TMEM132D: variants seen among roughly 807,000 people sequenced by gnomAD.
The protein encoded by TMEM132D is transmembrane protein 132D, also known as mature OL transmembrane protein.
Under a neutral mutation model 62.3 loss-of-function variants are expected in TMEM132D, and 21 were observed. That is an observed-to-expected ratio of 0.34 (90% CI 0.24 to 0.49). The LOEUF (loss-of-function observed/expected upper bound fraction) is 0.49, where lower values mean the gene tolerates loss of function less well. Ranked by LOEUF, TMEM132D falls within the 20% of genes least tolerant of loss-of-function variation. TMEM132D has a pLI of 0.99. For synonymous variants in TMEM132D, 621 were observed against 575.6 expected, an observed-to-expected ratio of 1.08 and a Z score of -1.13; for missense variants, 1,346 against 1,402.8, an observed-to-expected ratio of 0.96 and a Z score of 0.65.
intron 3 of TMEM132D, among the ~76,000 whole-genome samples, chr12:129,385,329 C>T (rs1323653439): frequency 2.6e-5 from 4 of 152,016 alleles, no homozygotes; most frequent in African/African-American, 7.2e-5. Context: ...TGGTCTCAAA[C>T]TCCTGACCCC....
At chr12:129,084,472 C>G in intron 6 of TMEM132D, 25 bp downstream of exon 6, 1 of 1,565,092 alleles carries the variant, frequency 6.4e-7, no homozygotes, top group South Asian at 1.2e-5. Context: ...CTTAGCCTGC[C>G]ATGGAGTTTC....
chr12:129,887,548 G>C (rs116355158), intron 1 of TMEM132D, among the ~76,000 whole-genome samples: 2 of 152,088 alleles, frequency 1.3e-5, no homozygotes, highest in Admixed American at 1.3e-4. Flanking sequence ...CCACTGCTGC[G>C]AAGTTCGGTT....
intron 5 of TMEM132D, among the ~76,000 whole-genome samples, chr12:129,204,501 G>A (rs1279662483): frequency 6.6e-6 from 1 of 152,116 alleles, no homozygotes; most frequent in Non-Finnish European, 1.5e-5. Context: ...AACAAACAAA[G>A]CCTCTGAGGA....
intron 3 of TMEM132D, among the ~76,000 whole-genome samples, chr12:129,374,674 T>C (rs1434835251): frequency 6.6e-6 from 1 of 152,128 alleles, no homozygotes; most frequent in Non-Finnish European, 1.5e-5. Context: ...GTACTTCCCT[T>C]GACAGCCACA....
At chr12:129,572,431 G>GTTTC (rs60151206) in intron 2 of TMEM132D, among the ~76,000 whole-genome samples, 41,489 of 150,754 alleles carry the variant, frequency 0.28, 5,828 homozygotes, top group East Asian at 0.39. Context: ...CAGAGGGTCT[G>GTTTC]TTTCTTTCTT....
Position 129,889,026 on chromosome 12 carries a change from G to A in TMEM132D, c.79+14235C>T, listed in dbSNP as rs187526525. 4.6e-5 allele frequency among the ~76,000 whole-genome samples: 7 copies of A among 152,268 alleles called. No individual in the cohort carries two copies. The South Asian group carries it at 1.0e-3, about 23-fold the overall frequency. ...GAGCTTTGATGGAACTAAGAGAAAC[G>A]TTCTTTCTTTTTACTAAAGTTAGGA... On this transcript the variant is annotated intron_variant, in intron 1 of 8. Coordinates refer to ENST00000422113, the MANE Select transcript of TMEM132D (RefSeq NM_133448.3).
chr12:129,363,764 A>C (rs1870323335), intron 3 of TMEM132D, among the ~76,000 whole-genome samples: 1 of 152,218 alleles, frequency 6.6e-6, no homozygotes, highest in Non-Finnish European at 1.5e-5. Flanking sequence ...ATAGAATGTC[A>C]ATTAATTTCT....
chr12:129,296,639 G>A (rs988768013), intron 4 of TMEM132D, among the ~76,000 whole-genome samples: 1 of 152,274 alleles, frequency 6.6e-6, no homozygotes, highest in African/African-American at 2.4e-5. Context: ...TGTGAGATAC[G>A]TTAAAGGCAC....
At chr12:129,711,196 G>A (rs571231045) in intron 1 of TMEM132D, among the ~76,000 whole-genome samples, 39 of 152,220 alleles carry the variant, frequency 2.6e-4, no homozygotes, top group Non-Finnish European at 3.8e-4. Context: ...TCTTCTCACC[G>A]ATGTCCCAGC....
intron 5 of TMEM132D, among the ~76,000 whole-genome samples, chr12:129,165,682 T>TC (rs1400137085): frequency 9.7e-6 from 1 of 103,010 alleles, no homozygotes; most frequent in Non-Finnish European, 2.6e-5. Flanking sequence ...CATTTCTTCT[T>TC]TTTTTTTTTC....
Position 129,371,798 on chromosome 12 carries a change from T to C in TMEM132D, c.1116-33981A>G, listed in dbSNP as rs780465719. On this transcript the variant is annotated intron_variant, in intron 3 of 8. Coordinates refer to ENST00000422113, the MANE Select transcript of TMEM132D (RefSeq NM_133448.3). This position sits in a 1 kb window ranked among gnomAD's most constrained non-coding sequence, Gnocchi z 4.3. ...CTGCTGAACCTAGTTCAGTGTGTGG[T>C]GATATCAAGAGACTTTCCAAGTCTT... Among the ~76,000 whole-genome samples, 2 of 152,160 alleles carry C rather than the reference T, an allele frequency of 1.3e-5. No individual in the cohort carries two copies. The highest frequency in any genetic ancestry group is 2.9e-5 in the Non-Finnish European group (2 of 68,032).
chr12:129,460,631 G>GCGCT (rs1383021636), intron 3 of TMEM132D, among the ~76,000 whole-genome samples: 1 of 152,146 alleles, frequency 6.6e-6, no homozygotes, highest in South Asian at 2.1e-4. Context: ...CATCCAGTTA[G>GCGCT]CGCTCAAAAA....
intron 4 of TMEM132D, among the ~76,000 whole-genome samples, chr12:129,308,007 T>C (rs992530416): frequency 3.9e-5 from 6 of 152,186 alleles, no homozygotes; most frequent in Admixed American, 1.3e-4. Context: ...ACTGGTTACT[T>C]CCAGTTCTTT....
intron 1 of TMEM132D, among the ~76,000 whole-genome samples, chr12:129,711,681 C>A (rs377570228): frequency 1.4e-5 from 2 of 146,166 alleles, no homozygotes; most frequent in Non-Finnish European, 3.0e-5. Context: ...GAGCCGAGAT[C>A]GCGCCATTGC....
At chr12:129,488,954 C>G (rs1026836341) in intron 3 of TMEM132D, among the ~76,000 whole-genome samples, 5 of 152,176 alleles carry the variant, frequency 3.3e-5, no homozygotes, top group Non-Finnish European at 7.3e-5. Flanking sequence ...TTGTTCAGAG[C>G]AGCGGCAGTT....
At chr12:129,785,048 T>C (rs1363435353) in intron 1 of TMEM132D, among the ~76,000 whole-genome samples, 1 of 152,216 alleles carries the variant, frequency 6.6e-6, no homozygotes, top group Non-Finnish European at 1.5e-5. Flanking sequence ...CATCGACATA[T>C]CATGAACTTC....
intron 3 of TMEM132D, among the ~76,000 whole-genome samples, chr12:129,495,514 C>A (rs1874924153): frequency 6.6e-6 from 1 of 152,154 alleles, no homozygotes; most frequent in Non-Finnish European, 1.5e-5. Context: ...GTGCCATCAG[C>A]TATCCTGGGC....
chr12:129,839,838 C>A (rs1483065786), intron 1 of TMEM132D: 10 of 152,128 alleles, frequency 6.6e-5, no homozygotes, highest in Non-Finnish European at 1.3e-4. Flanking sequence ...GAGGCCATCA[C>A]CCGCTGCAGA....
chr12:129,452,676 T>C (rs139432825), intron 3 of TMEM132D, among the ~76,000 whole-genome samples: 80 of 151,816 alleles, frequency 5.3e-4, no homozygotes, highest in African/African-American at 1.7e-3. Context: ...AGAGTATTTT[T>C]AAAAGAAAGG....
Sources: allele counts gnomAD v4.1 joint callset (sites outside exome capture counted in the v4.1 genomes callset), GRCh38; gene constraint gnomAD v4.1.1; non-coding constraint Gnocchi (gnomAD v3.1); transcripts MANE v1.5; gene names NCBI Gene and HGNC (gene_info 2026-07-23, HGNC 2026-07-21).